The following UBA5 variants were observed in gnomAD, a reference collection of about 807,000 sequenced individuals.
UBA5 encodes the protein ubiquitin like modifier activating enzyme 5.
Under a neutral mutation model 52.9 loss-of-function variants are expected in UBA5, and 28 were observed. That is an observed-to-expected ratio of 0.53 (90% CI 0.39 to 0.73). UBA5 has a LOEUF of 0.73. Among genes scored for constraint, UBA5 ranks in the 30% least tolerant of loss-of-function variants. The pLI is 0.00. For synonymous variants in UBA5, 135 were observed against 162.1 expected, an observed-to-expected ratio of 0.83 and a Z score of 1.27; for missense variants, 388 against 492.7, an observed-to-expected ratio of 0.79 and a Z score of 2.01.
chr3:132,672,130 T>C lies in UBA5; in HGVS notation c.765T>C (p.Pro255=), dbSNP rs2107943731. The C allele has an allele frequency of 1.2e-6, 2 of 1,614,036 alleles. No individual in the cohort carries two copies. The highest frequency in any genetic ancestry group is 1.7e-6 in the Non-Finnish European group (2 of 1,179,932). ...KREGVCAASL[P]TTMGVVAGIL... ...AAGGTGTTTGTGCAGCCAGTCTTCC[T>C]ACCACTATGGGTGTGGTTGCTGGGA... The change falls in exon 8 of 12, where the codon CCT becomes CCC. Residue 255 remains proline, a synonymous_variant. Transcript: ENST00000356232.
At chr3:132,666,481 T>A (rs953548827) in intron 3 of UBA5, among the ~76,000 whole-genome samples, 1 of 152,116 alleles carries the variant, frequency 6.6e-6, no homozygotes, top group African/African-American at 2.4e-5. Flanking sequence ...TCTGGATGGA[T>A]TTTTAAAAAT....
intron 8 of UBA5, among the ~76,000 whole-genome samples, chr3:132,672,532 C>A (rs1392325886): frequency 6.6e-6 from 1 of 152,074 alleles, no homozygotes; most frequent in Non-Finnish European, 1.5e-5. Flanking sequence ...TGATTTAAAT[C>A]TTTGCAAGTC....
Position 132,677,228 on chromosome 3 carries a change from C to T in UBA5, c.*702C>T, listed in dbSNP as rs557842029. 25 of 174,608 alleles carry T rather than the reference C, an allele frequency of 1.4e-4. No homozygotes were observed. In the East Asian group the frequency reaches 3.2e-3, roughly 22 times the overall value. The allele number at this position is 174,608 out of a possible 1,614,324, so 10.8% of individuals were successfully genotyped here. A position where few individuals can be genotyped will look rare whatever the true frequency, so the allele number is the denominator to read the frequency against. ...AGGAAGTATAAATTATATTCTGCAC[C>T]GAACAAGGAACAGAAATTATTGCAT... On this transcript the variant is annotated 3_prime_UTR_variant, in exon 12 of 12. Coordinates refer to ENST00000356232, the MANE Select transcript of UBA5 (RefSeq NM_024818.6).
At chr3:132,667,457 C>T (rs1254603310) in intron 3 of UBA5, 1 of 152,134 alleles carries the variant, frequency 6.6e-6, no homozygotes, top group African/African-American at 2.4e-5. Flanking sequence ...TTTAAAAATT[C>T]TCCAAGTGAT....
intron 8 of UBA5, 44 bp from the exon 9 acceptor site, chr3:132,675,203 TC>T: frequency 7.0e-7 from 1 of 1,422,550 alleles, no homozygotes; most frequent in Non-Finnish European, 9.7e-7. Flanking sequence ...CTAGTATTTT[TC>T]ATGTTTTAAA....
intron 1 of UBA5, among the ~76,000 whole-genome samples, chr3:132,663,178 T>C (rs1185398791): frequency 6.6e-6 from 1 of 151,912 alleles, no homozygotes; most frequent in Non-Finnish European, 1.5e-5. Context: ...ATTGCAAGAA[T>C]CCCCCAAAAG....
chr3:132,666,136 C>G (rs1034821925), intron 3 of UBA5, 63 bp downstream of exon 3: 2 of 1,441,032 alleles, frequency 1.4e-6, no homozygotes, highest in Admixed American at 1.7e-5. Context: ...AAATCAGGTA[C>G]AAGTTAGGAT....
intron 3 of UBA5, among the ~76,000 whole-genome samples, chr3:132,666,722 G>T (rs997486232): frequency 6.6e-6 from 1 of 151,990 alleles, no homozygotes; most frequent in Non-Finnish European, 1.5e-5. Context: ...TAATATGTTG[G>T]TCTACCCCAA....
In UBA5 at chr3:132,660,368, G is replaced by C. The variant is rs1391349873; in HGVS notation, c.-170G>C. 9 of 806,314 alleles carry C rather than the reference G, an allele frequency of 1.1e-5. No homozygotes were observed. The highest frequency in any genetic ancestry group is 1.8e-5 in the South Asian group (1 of 55,518). The allele number at this position is 806,314 out of a possible 1,614,324, so 49.9% of individuals were successfully genotyped here. A position where few individuals can be genotyped will look rare whatever the true frequency, so the allele number is the denominator to read the frequency against. ...TCCGAGGAAGGCCTGTGGGAGTCTC[G>C]GAGACGTGTCTGTCTGTGAGGCGCT... On this transcript the variant is annotated 5_prime_UTR_variant, in exon 1 of 12. Coordinates refer to ENST00000356232, the MANE Select transcript of UBA5 (RefSeq NM_024818.6). The surrounding 1 kb of genome is among the most constrained non-coding windows in gnomAD (Gnocchi z 4.1).
chr3:132,674,670 C>G (rs1052031501), intron 8 of UBA5, among the ~76,000 whole-genome samples: 4 of 152,116 alleles, frequency 2.6e-5, no homozygotes, highest in African/African-American at 9.7e-5. Flanking sequence ...GCCTGGGCAA[C>G]AGAGTAAAAA....
chr3:132,671,379 G>A (rs566620482), intron 6 of UBA5, among the ~76,000 whole-genome samples: 1 of 152,120 alleles, frequency 6.6e-6, no homozygotes, highest in East Asian at 1.9e-4. Flanking sequence ...TTTTATAAAT[G>A]TATAAATATG....
chr3:132,675,795 T>A (rs534798771), intron 10 of UBA5, 22 bp from the exon 11 acceptor site: 1 of 1,580,810 alleles, frequency 6.3e-7, no homozygotes, highest in Non-Finnish European at 8.6e-7. Flanking sequence ...CCTTAAAAAC[T>A]GACATAGGAT....
Position 132,677,756 on chromosome 3 carries a change from T to TA in UBA5, c.*1233dup, listed in dbSNP as rs1938896493. 6.6e-6 allele frequency: 1 copy of TA among 152,182 alleles called. No individual in the cohort carries two copies. Among genetic ancestry groups the TA allele is most frequent in the Non-Finnish European group, 1.5e-5 (1 of 68,008 alleles). 9.4% of individuals were successfully genotyped at this position (152,182 alleles called of 1,614,324 possible). A position where few individuals can be genotyped will look rare whatever the true frequency, so the allele number is the denominator to read the frequency against. ...TAAAAGTACATCCCTGATTGTAAAA[T>TA]AAAGTTCAAAAAACTGATTTCAGAA... On this transcript the variant is annotated 3_prime_UTR_variant, in exon 12 of 12. Coordinates refer to ENST00000356232, the MANE Select transcript of UBA5 (RefSeq NM_024818.6).
At chr3:132,661,430 A>T (rs770594099) in intron 1 of UBA5, among the ~76,000 whole-genome samples, 3 of 152,232 alleles carry the variant, frequency 2.0e-5, no homozygotes, top group Non-Finnish European at 4.4e-5. Flanking sequence ...ATCAGTATGT[A>T]TAAAGGTCTT....
chr3:132,656,154 T>C (rs528804497), upstream of UBA5, among the ~76,000 whole-genome samples: 127 of 152,358 alleles, frequency 8.3e-4, 1 homozygote, highest in Non-Finnish European at 1.3e-3. Flanking sequence ...TATGTACAGC[T>C]GTAGCTGAAT....
upstream of UBA5, among the ~76,000 whole-genome samples, chr3:132,658,868 G>T (rs1053584586): frequency 4.6e-5 from 7 of 152,022 alleles, no homozygotes; most frequent in Admixed American, 4.6e-4. Context: ...ATCAAAATAG[G>T]TATTACAACT....
chr3:132,668,439 C>T, intron 3 of UBA5: 1 of 153,442 alleles, frequency 6.5e-6, no homozygotes, highest in Admixed American at 6.5e-5. Context: ...AGGATTTTGC[C>T]ACAGATTTAA....
chr3:132,656,844 GTGT>G (rs1937834494), upstream of UBA5, among the ~76,000 whole-genome samples: 1 of 144,620 alleles, frequency 6.9e-6, no homozygotes, highest in Non-Finnish European at 1.5e-5. Flanking sequence ...GTTTCTCATT[GTGT>G]TGTTTTTTTT....
At chr3:132,657,932 G>T (rs1576632355), upstream of UBA5, among the ~76,000 whole-genome samples, 1 of 134,776 alleles carries the variant, frequency 7.4e-6, no homozygotes, top group African/African-American at 2.8e-5. Context: ...GTGCAATCTT[G>T]GCTCACTGCA....
Sources: gnomAD v4.1 joint callset for allele counts (sites outside exome capture counted in the v4.1 genomes callset) on GRCh38, gnomAD v4.1.1 for gene constraint, Gnocchi (gnomAD v3.1) non-coding constraint, MANE v1.5 for transcripts, NCBI Gene and HGNC (gene_info 2026-07-23, HGNC 2026-07-21) for gene names.